CENPP: variants seen among roughly 807,000 people sequenced by gnomAD.
The protein encoded by CENPP is centromere protein P.
In CENPP, 24 loss-of-function variants were observed where a neutral mutation model predicts 35.6. That is an observed-to-expected ratio of 0.67 (90% CI 0.49 to 0.95). The LOEUF is 0.95. CENPP is among the 40% of genes least tolerant of loss of function. The pLI, the probability that CENPP is intolerant of heterozygous loss-of-function variation, is 0.00. For synonymous variants in CENPP, 120 were observed against 125.5 expected, an observed-to-expected ratio of 0.96 and a Z score of 0.29; for missense variants, 332 against 345.3, an observed-to-expected ratio of 0.96 and a Z score of 0.31.
intron 5 of CENPP, among the ~76,000 whole-genome samples, chr9:92,519,468 A>G (rs1847929187): frequency 6.6e-6 from 1 of 152,254 alleles, no homozygotes; most frequent in Non-Finnish European, 1.5e-5. Flanking sequence ...TAGTATAAGC[A>G]TAGACGTATA....
chr9:92,408,757 C>A (rs1198384934), intron 5 of CENPP, among the ~76,000 whole-genome samples: 1 of 152,086 alleles, frequency 6.6e-6, no homozygotes, highest in Non-Finnish European at 1.5e-5. Context: ...TTGTGATGAC[C>A]AAAAATGTCT....
At chr9:92,541,781 T>C (rs1849325014) in intron 5 of CENPP, among the ~76,000 whole-genome samples, 1 of 151,868 alleles carries the variant, frequency 6.6e-6, no homozygotes, top group African/African-American at 2.4e-5. Context: ...CCCTGCAACA[T>C]ACTGATTTTA....
chr9:92,512,064 C>G, intron 5 of CENPP: 1 of 1,613,814 alleles, frequency 6.2e-7, no homozygotes, highest in Non-Finnish European at 8.5e-7. Flanking sequence ...TTACTCAGAT[C>G]AAGCCTTTCC....
Position 92,615,779 on chromosome 9 carries a change from A to G in CENPP, c.*2630A>G. The G allele has an allele frequency of 7.1e-7, 1 of 1,401,876 alleles. No individual in the cohort carries two copies. Among genetic ancestry groups the G allele is most frequent in the Non-Finnish European group, 1.0e-6 (1 of 991,416 alleles). 86.8% of individuals were successfully genotyped at this position (1,401,876 alleles called of 1,614,324 possible). ...ACCCAACACAACAGAAAATATCTCT[A>G]TCATTCAGCCTTCACATTATGTTCA... On this transcript the variant is annotated 3_prime_UTR_variant, in exon 8 of 8. Transcript: ENST00000375587.
intron 4 of CENPP, among the ~76,000 whole-genome samples, chr9:92,376,732 G>A (rs145781827): frequency 2.6e-5 from 4 of 152,212 alleles, no homozygotes; most frequent in East Asian, 3.9e-4. Flanking sequence ...TACTGTACAC[G>A]TGGTGACAAA....
chr9:92,350,168 A>G (rs1396569905), intron 4 of CENPP, among the ~76,000 whole-genome samples: 1 of 152,202 alleles, frequency 6.6e-6, no homozygotes, highest in African/African-American at 2.4e-5. Context: ...TTCGCTTTAT[A>G]CTTGAGAAGG....
At chr9:92,470,708 T>A (rs1241877105) in intron 5 of CENPP, 1 of 1,593,480 alleles carries the variant, frequency 6.3e-7, no homozygotes, top group Non-Finnish European at 8.6e-7. Context: ...TTTCTTTGAT[T>A]TCCTTAATTT....
rs1851548594 is a variant in CENPP at position 92,619,337 on chromosome 9, C to T, written c.*6188C>T. The T allele has an allele frequency of 1.1e-5, 7 of 634,324 alleles. No individual in the cohort carries two copies. Among genetic ancestry groups the T allele is most frequent in the South Asian group, 1.1e-4 (6 of 54,796 alleles). 39.3% of individuals were successfully genotyped at this position (634,324 alleles called of 1,614,324 possible). ...CTTCTAGAGGGCGAGAGTTAGTAAG[C>T]CCCATGATGTCACATAGGCCAAGGA... On this transcript the variant is annotated 3_prime_UTR_variant, in exon 8 of 8. Coordinates refer to ENST00000375587, the MANE Select transcript of CENPP (RefSeq NM_001012267.3).
At chr9:92,397,179 AAAAC>A (rs1046371616) in intron 5 of CENPP, among the ~76,000 whole-genome samples, 4 of 152,096 alleles carry the variant, frequency 2.6e-5, no homozygotes, top group African/African-American at 7.2e-5. Context: ...CCTGTCTAAA[AAAAC>A]AAACAAACAA....
chr9:92,506,864 A>T (rs572508620), intron 5 of CENPP, among the ~76,000 whole-genome samples: 3 of 152,282 alleles, frequency 2.0e-5, no homozygotes, highest in African/African-American at 7.2e-5. Context: ...GTTGGTGCTC[A>T]GAGAGAAGTA....
In CENPP at chr9:92,619,744, G is replaced by C; in HGVS notation, c.*6595G>C. The C allele has an allele frequency of 1.6e-6, 1 of 622,930 alleles. No homozygotes were observed. The highest frequency in any genetic ancestry group is 2.4e-5 in the Admixed American group (1 of 41,524). 38.6% of individuals were successfully genotyped at this position (622,930 alleles called of 1,614,324 possible). A position where few individuals can be genotyped will look rare whatever the true frequency, so the allele number is the denominator to read the frequency against. On this transcript the variant is annotated 3_prime_UTR_variant, in exon 8 of 8. Coordinates refer to ENST00000375587, the MANE Select transcript of CENPP (RefSeq NM_001012267.3). ...AGGAGGTCGCCCTGTGAGAGCACCT[G>C]GGCCAGCCCTCAGTGCCACGGGGCT...
intron 5 of CENPP, chr9:92,417,545 C>A: frequency 4.5e-6 from 7 of 1,564,028 alleles, no homozygotes; most frequent in Non-Finnish European, 6.0e-6. Flanking sequence ...ATATATTGGA[C>A]TTAAAAAACC....
intron 4 of CENPP, among the ~76,000 whole-genome samples, chr9:92,351,616 A>G (rs1841446503): frequency 6.6e-6 from 1 of 152,082 alleles, no homozygotes. Context: ...TACCTCATAT[A>G]AGTAGAATCA....
At chr9:92,595,627 A>G (rs1029564546) in intron 5 of CENPP, among the ~76,000 whole-genome samples, 8 of 149,964 alleles carry the variant, frequency 5.3e-5, no homozygotes, top group Non-Finnish European at 1.5e-5. Flanking sequence ...GTGCAGTGGC[A>G]CCATCTCGGC....
chr9:92,522,547 C>T (rs767168587), intron 5 of CENPP: 2 of 1,548,354 alleles, frequency 1.3e-6, no homozygotes, highest in African/African-American at 1.4e-5. Context: ...CTCCCTCTTT[C>T]TGTCTCTCTC....
At chr9:92,359,115 A>G (rs1317828605) in intron 4 of CENPP, among the ~76,000 whole-genome samples, 1 of 151,716 alleles carries the variant, frequency 6.6e-6, no homozygotes, top group East Asian at 1.9e-4. Flanking sequence ...ACACCCAGCT[A>G]ATTTTGTATT....
chr9:92,449,214 G>C (rs945389455), intron 5 of CENPP, among the ~76,000 whole-genome samples: 3 of 151,928 alleles, frequency 2.0e-5, no homozygotes, highest in African/African-American at 7.2e-5. Flanking sequence ...AGGCCAAGGC[G>C]GGCGGACACG....
chr9:92,334,812 G>A (rs1179406035), intron 2 of CENPP, among the ~76,000 whole-genome samples: 3 of 150,796 alleles, frequency 2.0e-5, no homozygotes, highest in African/African-American at 4.9e-5. Context: ...GCTGGGAGGC[G>A]GAGGTTGCAG....
intron 5 of CENPP, among the ~76,000 whole-genome samples, chr9:92,513,140 C>T (rs1847460788): frequency 6.6e-6 from 1 of 152,196 alleles, no homozygotes; most frequent in African/African-American, 2.4e-5. Flanking sequence ...AATGCTCCTG[C>T]TGCTCCCAGC....
Sources: gnomAD v4.1 joint callset for allele counts (sites outside exome capture counted in the v4.1 genomes callset) on GRCh38, gnomAD v4.1.1 for gene constraint, MANE v1.5 for transcripts, NCBI Gene and HGNC (gene_info 2026-07-23, HGNC 2026-07-21) for gene names.